The following USH2A variants were observed in gnomAD, a reference collection of about 807,000 sequenced individuals.
USH2A encodes the protein usherin.
Under a neutral mutation model 538.9 loss-of-function variants are expected in USH2A, and 443 were observed. The observed-to-expected ratio is 0.82, with a 90% confidence interval of 0.76 to 0.89. The LOEUF is 0.89. USH2A is among the 40% of genes least tolerant of loss of function. The pLI, the probability that USH2A is intolerant of heterozygous loss-of-function variation, is 0.00. For synonymous variants in USH2A, 2,413 were observed against 2,273.5 expected (o/e 1.06, Z -1.75); for missense variants, 6,633 against 6,324.8 (o/e 1.05, Z -1.65).
intron 3 of USH2A, among the ~76,000 whole-genome samples, chr1:216,386,773 C>G (rs148954142): frequency 1.4e-5 from 2 of 145,616 alleles, no homozygotes; most frequent in Non-Finnish European, 3.0e-5. Flanking sequence ...GATAATGGAG[C>G]GAACCCGGGA....
At chr1:215,988,789 GGAAAAATTCTCA>G (rs2102472911) in intron 35 of USH2A, among the ~76,000 whole-genome samples, 1 of 152,208 alleles carries the variant, frequency 6.6e-6, no homozygotes, top group East Asian at 1.9e-4. Flanking sequence ...CACCAAATTA[GGAAAAATTCTCA>G]GGGCTCATGA....
chr1:216,367,743 T>C (rs1383516553), intron 3 of USH2A, among the ~76,000 whole-genome samples: 1 of 152,196 alleles, frequency 6.6e-6, no homozygotes, highest in Non-Finnish European at 1.5e-5. Flanking sequence ...ATGTTTTATG[T>C]TCCAAGATTC....
rs370204550 is a variant in USH2A, at chr1:215,934,718, C to T, written c.7198G>A (p.Asp2400Asn). 22 of 1,612,752 alleles carry T rather than the reference C, an allele frequency of 1.4e-5. No homozygotes were observed. The highest frequency in any genetic ancestry group is 2.2e-5 in the East Asian group (1 of 44,834). The change falls in exon 38 of 72, where the codon GAT becomes AAT. Residue 2400 changes from aspartate to asparagine, a missense_variant. Asp to Asn is a conservative substitution (Grantham distance 23, BLOSUM62 1). Coordinates refer to ENST00000307340, the MANE Select transcript of USH2A (RefSeq NM_206933.4). ...TAGTTGGTAAAAGGAACCAGCCCAT[C>T]GATGAGCACCCAAAGGTTTGTCTCT... ...GEETNLWVLI[D>N]GLVPFTNYTV...
chr1:215,688,069 T>G (rs2820691), intron 61 of USH2A, among the ~76,000 whole-genome samples: 55,318 of 151,878 alleles, frequency 0.36, 10,318 homozygotes, highest in South Asian at 0.52. Context: ...GGCTTAGGTA[T>G]TGGGGAAGAG....
intron 38 of USH2A, among the ~76,000 whole-genome samples, chr1:215,928,212 A>T (rs1459328820): frequency 1.3e-5 from 2 of 152,126 alleles, no homozygotes; most frequent in Non-Finnish European, 2.9e-5. Context: ...ACCTACTTAT[A>T]AGAAGAGATC....
intron 32 of USH2A, among the ~76,000 whole-genome samples, chr1:216,035,638 T>C (rs1465501187): frequency 6.6e-6 from 1 of 152,218 alleles, no homozygotes; most frequent in Non-Finnish European, 1.5e-5. Flanking sequence ...ATATATTGGA[T>C]GATTAAATGA....
At chr1:216,328,921 T>G (rs1327116201) in intron 4 of USH2A, among the ~76,000 whole-genome samples, 2 of 152,226 alleles carry the variant, frequency 1.3e-5, no homozygotes, top group Non-Finnish European at 2.9e-5. Context: ...ATAAAAATAT[T>G]TCTTCATTAG....
intron 32 of USH2A, among the ~76,000 whole-genome samples, chr1:216,016,964 G>C (rs1172689712): frequency 6.6e-6 from 1 of 151,972 alleles, no homozygotes; most frequent in Non-Finnish European, 1.5e-5. Flanking sequence ...TCTGTGGCTG[G>C]TTAGAATAAA....
At chr1:216,239,504 G>C (rs2035893427) in intron 13 of USH2A, among the ~76,000 whole-genome samples, 1 of 152,202 alleles carries the variant, frequency 6.6e-6, no homozygotes, top group Non-Finnish European at 1.5e-5. Flanking sequence ...AATGAGGCTT[G>C]TTGGCTGGAG....
At chr1:215,930,299 T>A (rs1666331081) in intron 38 of USH2A, among the ~76,000 whole-genome samples, 1 of 152,028 alleles carries the variant, frequency 6.6e-6, no homozygotes. Context: ...TTGTCACTAA[T>A]CATTTTAAAC....
chr1:215,826,452 C>T (rs1663158172), intron 47 of USH2A, among the ~76,000 whole-genome samples: 1 of 152,048 alleles, frequency 6.6e-6, no homozygotes, highest in African/African-American at 2.4e-5. Context: ...TGAAAGGGAA[C>T]ATATTTGGAT....
At position 216,078,275 on chromosome 1, in the gene USH2A, A is replaced by G. The variant is rs745643321; in HGVS notation, c.5386T>C (p.Cys1796Arg). Residue 1796 changes from cysteine to arginine, a missense_variant, in exon 27 of 72, where the codon TGT (cysteine) becomes CGT (arginine). Transcript: ENST00000307340. ...ATGACTTTATTCCACTTTCCATTACAATAGGATAGCCCCAGCAATAGATCC... is the reference window on the plus strand; with the variant it reads ...ATGACTTTATTCCACTTTCCATTACGATAGGATAGCCCCAGCAATAGATCC... Reference protein sequence around the residue: ...QVDLLLGLSYCNGKWNKVIIK... With the variant: ...QVDLLLGLSYRNGKWNKVIIK... 1.2e-6 allele frequency: 2 copies of G among 1,613,700 alleles called. No homozygotes were observed. The highest frequency in any genetic ancestry group is 3.3e-5 in the Admixed American group (2 of 59,986).
At chr1:216,384,991 GA>G (rs1369061245) in intron 3 of USH2A, among the ~76,000 whole-genome samples, 1 of 152,172 alleles carries the variant, frequency 6.6e-6, no homozygotes, top group Non-Finnish European at 1.5e-5. Flanking sequence ...ATGATGCAGA[GA>G]AACACTGTGA....
Position 215,761,086 on chromosome 1 carries a change from C to G in USH2A, c.11048-1243G>C, listed in dbSNP as rs980226372. ...CACAGAGCTGTGGCCATACCAGATTCCTTTCTATCCCTAGAATGCTTCTAG... is the reference window on the plus strand; with the variant it reads ...CACAGAGCTGTGGCCATACCAGATTGCTTTCTATCCCTAGAATGCTTCTAG... On this transcript the variant is annotated intron_variant, in intron 56 of 71. Coordinates refer to ENST00000307340, the MANE Select transcript of USH2A (RefSeq NM_206933.4). 2.6e-5 allele frequency among the ~76,000 whole-genome samples: 4 copies of G among 152,178 alleles called. No homozygotes were observed. The East Asian group carries it at 7.7e-4, about 29-fold the overall frequency.
rs541465137 is a variant in USH2A at position 215,805,292 on chromosome 1, A to C, written c.9740-6167T>G. 2.6e-5 allele frequency among the ~76,000 whole-genome samples: 4 copies of C among 152,274 alleles called. No individual in the cohort carries two copies. In the South Asian group the frequency reaches 8.3e-4, roughly 32 times the overall value. The stretch of plus-strand genomic sequence containing the variant: ...TAAAACTTAAAGTATAATAAAAAAA[A>C]AAGAAAGAAAATGCACTAAGTGAAA... On this transcript the variant is annotated intron_variant, in intron 49 of 71. Transcript: ENST00000307340.
At chr1:216,375,493 C>G (rs115338751) in intron 3 of USH2A, among the ~76,000 whole-genome samples, 1,822 of 152,276 alleles carry the variant, frequency 0.012, 42 homozygotes, top group African/African-American at 0.041. Context: ...AGCTTGCTCA[C>G]TTCTCTCAGC....
intron 44 of USH2A, among the ~76,000 whole-genome samples, chr1:215,847,282 G>A (rs1317710493): frequency 6.6e-6 from 1 of 152,112 alleles, no homozygotes; most frequent in African/African-American, 2.4e-5. Context: ...AAGCAGAAAC[G>A]ATTACCTTAG....
intron 14 of USH2A, among the ~76,000 whole-genome samples, chr1:216,217,976 G>A (rs926647583): frequency 3.9e-5 from 6 of 151,986 alleles, no homozygotes; most frequent in East Asian, 1.9e-4. Flanking sequence ...CTCCAATTGC[G>A]AAATAGAAAA....
intron 32 of USH2A, among the ~76,000 whole-genome samples, chr1:216,027,480 T>G (rs1258510845): frequency 6.6e-6 from 1 of 152,200 alleles, no homozygotes; most frequent in African/African-American, 2.4e-5. Context: ...CTACCATTCC[T>G]GTGAGTGGAT....
Sources: gnomAD v4.1 joint callset for allele counts (sites outside exome capture counted in the v4.1 genomes callset) on GRCh38, gnomAD v4.1.1 for gene constraint, MANE v1.5 for transcripts, NCBI Gene and HGNC (gene_info 2026-07-23, HGNC 2026-07-21) for gene names.